Variants in PRH1 observed in about 807,000 individuals in gnomAD.
PRH1 encodes salivary acidic proline-rich phosphoprotein 1/2.
PRH1 carries 7 observed loss-of-function variants against 7.9 expected under a neutral mutation model. That is an observed-to-expected ratio of 0.89 (90% CI 0.50 to 1.67). The LOEUF (loss-of-function observed/expected upper bound fraction) is 1.67, where lower values mean the gene tolerates loss of function less well. Among genes scored for constraint, PRH1 ranks in the 40% most tolerant of loss-of-function variants. The pLI, the probability that PRH1 is intolerant of heterozygous loss-of-function variation, is 0.00. For missense variants in PRH1, 109 were observed against 223.6 expected, an observed-to-expected ratio of 0.49 and a Z score of 3.27; for synonymous variants, 45 against 80.8, an observed-to-expected ratio of 0.56 and a Z score of 2.38.
chr12:11,137,999 T>C (rs1323312417), intron 1 of PRH1, among the ~76,000 whole-genome samples: 1 of 152,104 alleles, frequency 6.6e-6, no homozygotes, highest in Non-Finnish European at 1.5e-5. Context: ...GCATCAGGCC[T>C]AGGCAAATAC....
intron 2 of PRH1, among the ~76,000 whole-genome samples, chr12:10,962,809 G>GC (rs1938304077): frequency 6.6e-6 from 1 of 152,142 alleles, no homozygotes. Context: ...TCGCTCTGTC[G>GC]CCCAGGCTGG....
At chr12:10,920,643 A>G (rs1950033263) in intron 2 of PRH1, among the ~76,000 whole-genome samples, 1 of 152,126 alleles carries the variant, frequency 6.6e-6, no homozygotes, top group Admixed American at 6.5e-5. Flanking sequence ...TGTTATTTCA[A>G]AAGTTTTCCT....
At chr12:11,082,866 T>C (rs1944539717) in intron 1 of PRH1, among the ~76,000 whole-genome samples, 1 of 116,240 alleles carries the variant, frequency 8.6e-6, no homozygotes, top group South Asian at 2.3e-4. Context: ...CATCTTTTAA[T>C]AGCATCACTA....
intron 1 of PRH1, chr12:11,158,913 T>TA (rs2136448127): frequency 6.6e-6 from 1 of 152,266 alleles, no homozygotes; most frequent in Non-Finnish European, 1.5e-5. Flanking sequence ...AAAATCATCA[T>TA]AATAAACGTC....
At chr12:10,932,856 C>T (rs1051427183) in intron 2 of PRH1, among the ~76,000 whole-genome samples, 3 of 151,664 alleles carry the variant, frequency 2.0e-5, no homozygotes, top group Non-Finnish European at 4.4e-5. Flanking sequence ...ACACAATAGT[C>T]AGAAAACATT....
At chr12:11,057,386 C>A (rs1565603124) in intron 1 of PRH1, among the ~76,000 whole-genome samples, 1 of 152,144 alleles carries the variant, frequency 6.6e-6, no homozygotes. Context: ...GTAGTTACTA[C>A]CTCTTCCTGA....
intron 2 of PRH1, among the ~76,000 whole-genome samples, chr12:10,931,608 T>C (rs1950214711): frequency 6.6e-6 from 1 of 152,148 alleles, no homozygotes; most frequent in Admixed American, 6.5e-5. Flanking sequence ...TAAATAGCAA[T>C]TCATTTCTCC....
At position 11,135,116 on chromosome 12, in the gene PRH1, T is replaced by C. The variant is rs150546530; in HGVS notation, n.40-13936A>G. 3.9e-3 allele frequency among the ~76,000 whole-genome samples: 591 copies of C among 152,272 alleles called. 6 individuals are homozygous for C. The highest frequency in any genetic ancestry group is 0.013 in the African/African-American group (557 of 41,574). ...GGTAAAGTTTCTCTCAAGTCTAATA[T>C]TTAAATATTTATTATTTAATTAAAA... On this transcript the variant is annotated intron_variant and non_coding_transcript_variant, in intron 1 of 1. Transcript: ENST00000541175.
chr12:10,943,600 T>C lies in PRH1; in HGVS notation c.-59+30055A>G, dbSNP rs572069245. 5.4e-4 allele frequency among the ~76,000 whole-genome samples: 82 copies of C among 152,280 alleles called. 2 individuals are homozygous for C. In the South Asian group the frequency reaches 0.017, roughly 31 times the overall value. Reference sequence around the variant, plus strand: ...ATAGGATCCCATTTGTCAATTTTTGTTTTTGTTTGATTGCTTTTGATGTCT... The same window carrying C: ...ATAGGATCCCATTTGTCAATTTTTGCTTTTGTTTGATTGCTTTTGATGTCT... On this transcript the variant is annotated intron_variant, in intron 2 of 3. Transcript: ENST00000539853.
chr12:11,130,790 T>C (rs1946319025), intron 1 of PRH1, among the ~76,000 whole-genome samples: 6 of 152,132 alleles, frequency 3.9e-5, no homozygotes, highest in Admixed American at 2.6e-4. Context: ...GTGCAGAACA[T>C]TAATCCAAGC....
chr12:10,895,185 CT>C (rs1949626561), intron 2 of PRH1: 1 of 152,102 alleles, frequency 6.6e-6, no homozygotes, highest in African/African-American at 2.4e-5. Context: ...GAAATTATAG[CT>C]TTTATAGGTT....
chr12:10,969,922 T>C (rs1354335111), intron 2 of PRH1, among the ~76,000 whole-genome samples: 1 of 152,112 alleles, frequency 6.6e-6, no homozygotes, highest in Non-Finnish European at 1.5e-5. Context: ...TGCATCAGCC[T>C]CCTGAGTAGC....
At chr12:11,037,495 A>G (rs1942484118) in intron 1 of PRH1, among the ~76,000 whole-genome samples, 1 of 152,266 alleles carries the variant, frequency 6.6e-6, no homozygotes, top group African/African-American at 2.4e-5. Flanking sequence ...TGCTAAAAAT[A>G]TGAGTATAAA....
In PRH1 at chr12:11,085,022, G is replaced by A. The variant is rs191372583; in HGVS notation, n.124-37834C>T. ...TTTTTTGTAGAGACAGGGTTTCACC[G>A]TGTTAGCCAGGATGGTCTTGATGTC... On this transcript the variant is annotated intron_variant and non_coding_transcript_variant, in intron 1 of 4. Transcript: ENST00000541977. 1.1e-3 allele frequency among the ~76,000 whole-genome samples: 126 copies of A among 112,838 alleles called. 20 individuals are homozygous for A. The East Asian group carries it at 0.018, about 16-fold the overall frequency. The allele number at this position is 112,838 out of a possible 152,430, so 74.0% of individuals were successfully genotyped here. A position where few individuals can be genotyped will look rare whatever the true frequency, so the allele number is the denominator to read the frequency against.
chr12:10,929,151 T>C, intron 2 of PRH1: 2 of 1,218,902 alleles, frequency 1.6e-6, no homozygotes, highest in South Asian at 2.7e-5. Flanking sequence ...ACCCAGTCTC[T>C]GAGGCGAGGA....
intron 1 of PRH1, among the ~76,000 whole-genome samples, chr12:10,995,485 G>A (rs1017254513): frequency 7.9e-5 from 12 of 152,076 alleles, no homozygotes; most frequent in African/African-American, 2.9e-4. Context: ...TGCTATTAGT[G>A]AATATGTCAA....
At chr12:10,992,536 GA>G (rs1294479826) in intron 1 of PRH1, among the ~76,000 whole-genome samples, 2 of 152,098 alleles carry the variant, frequency 1.3e-5, no homozygotes, top group Non-Finnish European at 2.9e-5. Context: ...CCCCCTGCCA[GA>G]ACTTCCTGGG....
At chr12:11,132,408 A>C (rs1480064993) in intron 1 of PRH1, among the ~76,000 whole-genome samples, 2 of 152,280 alleles carry the variant, frequency 1.3e-5, no homozygotes, top group African/African-American at 4.8e-5. Flanking sequence ...AAAATGGAAG[A>C]TAAGGATATA....
intron 2 of PRH1, among the ~76,000 whole-genome samples, chr12:10,924,105 A>T (rs1246766474): frequency 7.1e-6 from 1 of 141,834 alleles, no homozygotes; most frequent in Admixed American, 8.0e-5. Flanking sequence ...CTCCTGCCTC[A>T]GCCTCCCGAG....
Sources: gnomAD v4.1 joint callset for allele counts (sites outside exome capture counted in the v4.1 genomes callset) on GRCh38, gnomAD v4.1.1 for gene constraint, MANE v1.5 for transcripts, NCBI Gene and HGNC (gene_info 2026-07-23, HGNC 2026-07-21) for gene names.